CNNM1: variants seen among roughly 807,000 people sequenced by gnomAD.
The protein encoded by CNNM1 is metal transporter CNNM1.
In CNNM1, 44 loss-of-function variants were observed where a neutral mutation model predicts 78.8. The observed-to-expected ratio is 0.56, with a 90% CI of 0.44 to 0.72. CNNM1 has a LOEUF of 0.72. Ranked by LOEUF, CNNM1 falls within the 30% of genes least tolerant of loss-of-function variation. CNNM1 has a pLI of 0.00. For synonymous variants in CNNM1, 584 were observed against 581.5 expected (o/e 1.00, Z -0.06); for missense variants, 1,101 against 1,292.2 (o/e 0.85, Z 2.27).
intron 5 of CNNM1, 131 bp downstream of exon 5, chr10:99,364,647 T>C (rs1409195058): frequency 1.4e-6 from 1 of 734,192 alleles, no homozygotes; most frequent in Admixed American, 2.9e-5. Context: ...TCCTTGGCTT[T>C]AGTTCCTTCC....
intron 7 of CNNM1, 115 bp from the exon 8 acceptor site, chr10:99,387,705 C>T: frequency 9.3e-7 from 1 of 1,071,768 alleles, no homozygotes; most frequent in South Asian, 1.8e-5. Context: ...TCTCAGGCCT[C>T]AGAGGCCGAG....
chr10:99,392,964 C>CA lies in CNNM1; in HGVS notation c.*1460dup, dbSNP rs71488889. 17,847 of 129,942 alleles carry CA rather than the reference C, an allele frequency of 0.14. 1,202 individuals carry two copies. Among genetic ancestry groups the CA allele is most frequent in the East Asian group, 0.27 (1,254 of 4,704 alleles). 8.0% of individuals were successfully genotyped at this position (129,942 alleles called of 1,614,324 possible). ...CAGAGCGAGACTCTGTCTCCCCCCG[C>CA]AAAAAAAAAAAAGAAAGAAAGAAAG... On this transcript the variant is annotated 3_prime_UTR_variant, in exon 11 of 11. Coordinates refer to ENST00000356713, the MANE Select transcript of CNNM1 (RefSeq NM_020348.3).
intron 1 of CNNM1, among the ~76,000 whole-genome samples, chr10:99,347,943 C>G (rs910357856): frequency 4.6e-5 from 7 of 152,010 alleles, no homozygotes; most frequent in Admixed American, 4.6e-4. Context: ...TCTCTCACTC[C>G]CACACACTCC....
At chr10:99,370,197 A>C (rs1195343376) in intron 6 of CNNM1, among the ~76,000 whole-genome samples, 2 of 152,146 alleles carry the variant, frequency 1.3e-5, no homozygotes, top group Admixed American at 1.3e-4. Flanking sequence ...CTTCTGATCC[A>C]ACTCTGGGTG....
At chr10:99,377,012 A>T in intron 6 of CNNM1, 43 bp from the exon 7 acceptor site, 1 of 802,760 alleles carries the variant, frequency 1.2e-6, no homozygotes, top group Non-Finnish European at 1.7e-6. Flanking sequence ...CTTCCTCCCC[A>T]CCCATCCCTC....
At chr10:99,383,420 T>A (rs1409432160) in intron 7 of CNNM1, among the ~76,000 whole-genome samples, 1 of 152,114 alleles carries the variant, frequency 6.6e-6, no homozygotes, top group Non-Finnish European at 1.5e-5. Flanking sequence ...ATTACAGGCA[T>A]GCGCCACCAC....
intron 1 of CNNM1, among the ~76,000 whole-genome samples, chr10:99,342,974 C>CT (rs2030521000): frequency 1.3e-5 from 2 of 151,280 alleles, no homozygotes; most frequent in East Asian, 1.9e-4. Context: ...TTCTTTCTTT[C>CT]TTTTTTTTGA....
intron 1 of CNNM1, among the ~76,000 whole-genome samples, chr10:99,336,149 T>C (rs1185319800): frequency 6.6e-6 from 1 of 152,236 alleles, no homozygotes; most frequent in Non-Finnish European, 1.5e-5. Context: ...GCATGTATGA[T>C]GGTGATCCCA....
At chr10:99,356,086 A>G (rs2031132512) in intron 1 of CNNM1, among the ~76,000 whole-genome samples, 1 of 152,212 alleles carries the variant, frequency 6.6e-6, no homozygotes, top group African/African-American at 2.4e-5. Flanking sequence ...GTGAGTCAGG[A>G]ATTCAAAAGA....
At chr10:99,334,898 A>G (rs1330734134) in intron 1 of CNNM1, among the ~76,000 whole-genome samples, 1 of 152,202 alleles carries the variant, frequency 6.6e-6, no homozygotes, top group African/African-American at 2.4e-5. Flanking sequence ...GTCATTAACT[A>G]CATTTTACAG....
chr10:99,389,231 C>T (rs1441839234), intron 9 of CNNM1, among the ~76,000 whole-genome samples: 1 of 151,968 alleles, frequency 6.6e-6, no homozygotes, highest in Admixed American at 6.6e-5. Flanking sequence ...GTCTGACCAA[C>T]ATGGTGAAAC....
intron 1 of CNNM1, among the ~76,000 whole-genome samples, chr10:99,336,257 T>C (rs924620724): frequency 2.6e-5 from 4 of 152,362 alleles, no homozygotes; most frequent in East Asian, 3.9e-4. Flanking sequence ...ACCTTTACTA[T>C]GTTTAGATAC....
chr10:99,381,026 A>G (rs1026273484), intron 7 of CNNM1, among the ~76,000 whole-genome samples: 2 of 152,222 alleles, frequency 1.3e-5, no homozygotes, highest in African/African-American at 4.8e-5. Flanking sequence ...TGAGCAGCAC[A>G]AAATTTGATT....
At chr10:99,378,324 C>G (rs1164397124) in intron 7 of CNNM1, among the ~76,000 whole-genome samples, 12 of 152,156 alleles carry the variant, frequency 7.9e-5, no homozygotes, top group Admixed American at 7.9e-4. Context: ...AGCTAGAGCC[C>G]CATTTATCCC....
intron 4 of CNNM1, 108 bp from the exon 5 acceptor site, chr10:99,364,309 G>T: frequency 1.3e-6 from 1 of 741,326 alleles, no homozygotes; most frequent in Admixed American, 2.6e-5. Context: ...TAAGAACATG[G>T]GTCTAGTCCA....
chr10:99,344,848 T>C (rs939544672), intron 1 of CNNM1, among the ~76,000 whole-genome samples: 12 of 152,210 alleles, frequency 7.9e-5, no homozygotes, highest in African/African-American at 2.7e-4. Flanking sequence ...GAATTGTGAC[T>C]CCTTTCCCCT....
chr10:99,390,442 C>T, intron 10 of CNNM1, 35 bp downstream of exon 10: 1 of 1,454,510 alleles, frequency 6.9e-7, no homozygotes, highest in Non-Finnish European at 9.6e-7. Context: ...ATGAGAGCCA[C>T]CCTGCTGATG....
Position 99,391,544 on chromosome 10 carries a change from T to G in CNNM1, c.*28T>G. On this transcript the variant is annotated 3_prime_UTR_variant, in exon 11 of 11. Coordinates refer to ENST00000356713, the MANE Select transcript of CNNM1 (RefSeq NM_020348.3). ...GGGCAAAGCCAGCATTCACTGGGTGTGTGAAATTCCAGAGCTTTGGGGGAG... is the reference window on the plus strand; with the variant it reads ...GGGCAAAGCCAGCATTCACTGGGTGGGTGAAATTCCAGAGCTTTGGGGGAG... 6.3e-7 allele frequency: 1 copy of G among 1,596,786 alleles called. No homozygotes were observed.
chr10:99,391,048 TG>T (rs2032458056), intron 10 of CNNM1, among the ~76,000 whole-genome samples: 5 of 152,246 alleles, frequency 3.3e-5, no homozygotes, highest in Admixed American at 3.3e-4. Flanking sequence ...CCACCAACCC[TG>T]ATTCATGGGA....
Sources: gnomAD v4.1 joint callset for allele counts (sites outside exome capture counted in the v4.1 genomes callset) on GRCh38, gnomAD v4.1.1 for gene constraint, MANE v1.5 for transcripts, NCBI Gene and HGNC (gene_info 2026-07-23, HGNC 2026-07-21) for gene names.